The following NRXN3 variants were observed in gnomAD, a reference collection of about 807,000 sequenced individuals.
The protein encoded by NRXN3 is neurexin III.
Under a neutral mutation model 137.6 loss-of-function variants are expected in NRXN3, and 32 were observed. The observed-to-expected ratio is 0.23, with a 90% confidence interval of 0.18 to 0.31. The LOEUF (loss-of-function observed/expected upper bound fraction) is 0.31, where lower values mean the gene tolerates loss of function less well. Among genes scored for constraint, NRXN3 ranks in the 10% least tolerant of loss-of-function variants. The pLI is 1.00. For synonymous variants in NRXN3, 798 were observed against 784.5 expected, an observed-to-expected ratio of 1.02 and a Z score of -0.29; for missense variants, 1,574 against 2,062.5, an observed-to-expected ratio of 0.76 and a Z score of 4.59.
intron 4 of NRXN3, among the ~76,000 whole-genome samples, chr14:78,590,977 G>C (rs1252573925): frequency 6.6e-6 from 1 of 152,142 alleles, no homozygotes; most frequent in Non-Finnish European, 1.5e-5. Context: ...ACAAATGGTG[G>C]ACAGTGACTG....
At chr14:78,258,348 T>A (rs2070032386) in intron 2 of NRXN3, among the ~76,000 whole-genome samples, 1 of 152,020 alleles carries the variant, frequency 6.6e-6, no homozygotes, top group African/African-American at 2.4e-5. Flanking sequence ...TAGATTTTGA[T>A]TTGGCCGTTA....
chr14:78,585,838 G>C (rs1368504788), intron 4 of NRXN3, among the ~76,000 whole-genome samples: 1 of 152,152 alleles, frequency 6.6e-6, no homozygotes, highest in Admixed American at 6.5e-5. Context: ...CACTCTAGTA[G>C]AGATATGAAA....
At chr14:78,353,138 C>T (rs1251355269) in intron 4 of NRXN3, among the ~76,000 whole-genome samples, 1 of 152,118 alleles carries the variant, frequency 6.6e-6, no homozygotes, top group Non-Finnish European at 1.5e-5. Flanking sequence ...GGAAACCGGA[C>T]TGGAGAGAGG....
intron 20 of NRXN3, among the ~76,000 whole-genome samples, chr14:79,848,964 C>T (rs998906890): frequency 1.3e-5 from 2 of 152,156 alleles, no homozygotes; most frequent in Admixed American, 6.5e-5. Flanking sequence ...CTTGCATGTC[C>T]TCCAAATTTT....
At chr14:78,614,541 T>C (rs2097329494) in intron 4 of NRXN3, among the ~76,000 whole-genome samples, 1 of 151,710 alleles carries the variant, frequency 6.6e-6, no homozygotes, top group Non-Finnish European at 1.5e-5. Context: ...ATGCAACACA[T>C]TGTAGAATTA....
chr14:78,901,616 A>T (rs777306388), intron 10 of NRXN3, among the ~76,000 whole-genome samples: 1 of 152,030 alleles, frequency 6.6e-6, no homozygotes, highest in South Asian at 2.1e-4. Flanking sequence ...TCAGAATTTC[A>T]TGTCCCCTTC....
At chr14:78,405,613 C>CTGG (rs1555510781) in intron 4 of NRXN3, among the ~76,000 whole-genome samples, 2 of 128,772 alleles carry the variant, frequency 1.6e-5, no homozygotes, top group African/African-American at 3.0e-5. Context: ...GGGGAAGGGG[C>CTGG]GGGGGGGTTC....
At chr14:79,560,504 C>CT (rs34025659) in intron 16 of NRXN3, among the ~76,000 whole-genome samples, 487 of 43,734 alleles carry the variant, frequency 0.011, 39 homozygotes, top group African/African-American at 0.026. Context: ...AGATTGTAAG[C>CT]TTTTTTTTTT....
At chr14:78,689,101 A>G (rs936201717) in intron 6 of NRXN3, among the ~76,000 whole-genome samples, 1 of 152,212 alleles carries the variant, frequency 6.6e-6, no homozygotes, top group Middle Eastern at 3.4e-3. Flanking sequence ...TAAATCTCAA[A>G]TCAGTGGGGT....
intron 4 of NRXN3, among the ~76,000 whole-genome samples, chr14:78,582,805 T>C (rs1226842043): frequency 6.6e-6 from 1 of 152,194 alleles, no homozygotes; most frequent in African/African-American, 2.4e-5. Flanking sequence ...CACGATACAA[T>C]GCATGATGTA....
chr14:79,236,309 GTA>G (rs202044104), intron 15 of NRXN3, among the ~76,000 whole-genome samples: 42 of 151,102 alleles, frequency 2.8e-4, no homozygotes, highest in Admixed American at 5.9e-4. Context: ...ATATAGGTAG[GTA>G]TATATATATA....
At chr14:78,224,748 G>GTTTTT (rs1567008554) in intron 1 of NRXN3, among the ~76,000 whole-genome samples, 2 of 78,748 alleles carry the variant, frequency 2.5e-5, no homozygotes, top group African/African-American at 8.9e-5. Context: ...GTGTGCATGT[G>GTTTTT]TCTTTTTTTT....
chr14:79,004,441 A>AC (rs2099548097), intron 15 of NRXN3, among the ~76,000 whole-genome samples: 1 of 152,112 alleles, frequency 6.6e-6, no homozygotes, highest in Non-Finnish European at 1.5e-5. Flanking sequence ...GATGAGTTTC[A>AC]CCATATTGCC....
chr14:79,017,328 G>A (rs907744928), intron 15 of NRXN3, among the ~76,000 whole-genome samples: 2 of 151,466 alleles, frequency 1.3e-5, no homozygotes, highest in African/African-American at 2.4e-5. Flanking sequence ...CACAAAATAC[G>A]TAATAGCTCC....
intron 4 of NRXN3, among the ~76,000 whole-genome samples, chr14:78,452,120 C>G (rs556804760): frequency 6.6e-6 from 1 of 152,142 alleles, no homozygotes; most frequent in Non-Finnish European, 1.5e-5. Context: ...TGTGCATAAT[C>G]TGAGTTAATT....
chr14:78,600,337 C>T (rs2097192426), intron 4 of NRXN3, among the ~76,000 whole-genome samples: 1 of 152,222 alleles, frequency 6.6e-6, no homozygotes, highest in African/African-American at 2.4e-5. Context: ...GTATCTTACA[C>T]TCATATGACC....
intron 20 of NRXN3, among the ~76,000 whole-genome samples, chr14:79,839,341 A>G (rs2091926): frequency 0.7 from 105,608 of 151,940 alleles, 38,509 homozygotes; most frequent in East Asian, 0.91. Flanking sequence ...ACATAACAGG[A>G]AATGAAAAGA....
chr14:79,811,114 G>C (rs2099230989), intron 20 of NRXN3, among the ~76,000 whole-genome samples: 1 of 152,060 alleles, frequency 6.6e-6, no homozygotes, highest in African/African-American at 2.4e-5. Flanking sequence ...TGGCTATTCA[G>C]AATATAGTAC....
chr14:79,068,752 G>A (rs530559084), intron 15 of NRXN3, among the ~76,000 whole-genome samples: 1 of 152,158 alleles, frequency 6.6e-6, no homozygotes, highest in East Asian at 1.9e-4. Context: ...CAATAAATAT[G>A]TAGTTTAATA....
Sources: allele counts gnomAD v4.1 joint callset (sites outside exome capture counted in the v4.1 genomes callset), GRCh38; gene constraint gnomAD v4.1.1; transcripts MANE v1.5; gene names NCBI Gene and HGNC (gene_info 2026-07-23, HGNC 2026-07-21).